The following MLLT10 variants were observed in gnomAD, a reference collection of about 807,000 sequenced individuals.
MLLT10 encodes MLLT10 histone lysine methyltransferase DOT1L cofactor, also known as protein AF-10.
In MLLT10, 30 loss-of-function variants were observed where a neutral mutation model predicts 129.1. The ratio of observed to expected loss-of-function variants is 0.23; its 90% CI spans 0.17 to 0.32. The LOEUF (loss-of-function observed/expected upper bound fraction) is 0.32, where lower values mean the gene tolerates loss of function less well. MLLT10 is among the 10% of genes least tolerant of loss of function. MLLT10 has a pLI of 1.00. For synonymous variants in MLLT10, 490 were observed against 446.4 expected, an observed-to-expected ratio of 1.10 and a Z score of -1.23; for missense variants, 1,119 against 1,268.3, an observed-to-expected ratio of 0.88 and a Z score of 1.79.
intron 9 of MLLT10, among the ~76,000 whole-genome samples, chr10:21,666,914 A>G (rs948986187): frequency 3.9e-5 from 6 of 152,214 alleles, no homozygotes; most frequent in Non-Finnish European, 8.8e-5. Flanking sequence ...ACTATTAGCA[A>G]TGAACATTTC....
chr10:21,724,541 A>G (rs1385020542), intron 14 of MLLT10, among the ~76,000 whole-genome samples: 1 of 152,258 alleles, frequency 6.6e-6, no homozygotes, highest in Non-Finnish European at 1.5e-5. Flanking sequence ...TTTTGTTCTG[A>G]AATAACTGCA....
rs1833751709 is a variant in MLLT10, at chr10:21,742,103, G to A, written c.*120G>A. 2.4e-6 allele frequency: 2 copies of A among 832,812 alleles called. No individual in the cohort carries two copies. Among genetic ancestry groups the A allele is most frequent in the Admixed American group, 4.9e-5 (2 of 40,706 alleles). 51.6% of individuals were successfully genotyped at this position (832,812 alleles called of 1,614,324 possible). The stretch of plus-strand genomic sequence containing the variant: ...AACAAGAAACTCAATGCACAACAAA[G>A]GATTAATTGCTGCAAGGACATTCTT... On this transcript the variant is annotated 3_prime_UTR_variant, in exon 23 of 23. Coordinates refer to ENST00000307729, the MANE Select transcript of MLLT10 (RefSeq NM_001195626.3).
intron 8 of MLLT10, among the ~76,000 whole-genome samples, chr10:21,633,823 A>C (rs904900693): frequency 1.3e-5 from 2 of 152,250 alleles, no homozygotes; most frequent in Non-Finnish European, 2.9e-5. Flanking sequence ...GAAATTTAAC[A>C]TTAATATAAT....
At chr10:21,640,580 G>T (rs907362003) in intron 8 of MLLT10, among the ~76,000 whole-genome samples, 2 of 152,014 alleles carry the variant, frequency 1.3e-5, no homozygotes, top group Non-Finnish European at 2.9e-5. Flanking sequence ...AAATCTGTTT[G>T]TGCTGTGTGT....
chr10:21,648,718 C>T (rs1192003447), intron 8 of MLLT10, among the ~76,000 whole-genome samples: 2 of 152,120 alleles, frequency 1.3e-5, no homozygotes, highest in East Asian at 1.9e-4. Flanking sequence ...TGAAGAAATA[C>T]ACGAGACTGG....
chr10:21,658,400 A>G (rs1408027568), intron 9 of MLLT10, among the ~76,000 whole-genome samples: 1 of 152,144 alleles, frequency 6.6e-6, no homozygotes, highest in Non-Finnish European at 1.5e-5. Context: ...TTTCAGCATA[A>G]TTATTTTAAG....
intron 13 of MLLT10, among the ~76,000 whole-genome samples, chr10:21,695,173 G>A (rs1404321723): frequency 1.3e-5 from 2 of 150,032 alleles, no homozygotes; most frequent in Admixed American, 6.7e-5. Context: ...GGGTTCAAGC[G>A]ATTCTCGTGC....
At chr10:21,720,452 T>G (rs892883259) in intron 14 of MLLT10, among the ~76,000 whole-genome samples, 14 of 152,242 alleles carry the variant, frequency 9.2e-5, no homozygotes, top group African/African-American at 3.4e-4. Flanking sequence ...AAGTTTGAAT[T>G]GATCTGGAGA....
At chr10:21,674,046 A>G in intron 11 of MLLT10, 127 bp downstream of exon 11, 1 of 738,276 alleles carries the variant, frequency 1.4e-6, no homozygotes, top group South Asian at 3.4e-5. Context: ...TTAAAGTGAA[A>G]TTTCTCAGTT....
Position 21,735,219 on chromosome 10 carries a change from C to A in MLLT10, c.2939C>A (p.Ser980Tyr). The A allele has an allele frequency of 6.2e-7, 1 of 1,612,572 alleles. No homozygotes were observed. The highest frequency in any genetic ancestry group is 8.5e-7 in the Non-Finnish European group (1 of 1,178,754). The stretch of plus-strand genomic sequence containing the variant: ...CAGCAGTTTCAGCAGTTGTTAAATT[C>A]TCAACAGCTCACACCAGTAAGTTCT... ...HQQQFQQLLN[S>Y]QQLTPEQHQA... The change falls in exon 21 of 23, where the codon TCT (serine) becomes TAT (tyrosine). Residue 980 changes from serine (S) to tyrosine (Y), a missense_variant. Ser to Tyr is a moderately radical substitution (Grantham distance 144). Coordinates refer to ENST00000307729, the MANE Select transcript of MLLT10 (RefSeq NM_001195626.3).
chr10:21,688,688 T>C (rs962430079), intron 13 of MLLT10: 13 of 569,124 alleles, frequency 2.3e-5, no homozygotes, highest in Non-Finnish European at 3.6e-5. Context: ...TAACCTTGGG[T>C]GGTAGGTGGG....
chr10:21,584,856 ATG>A, intron 3 of MLLT10, among the ~76,000 whole-genome samples: 1 of 151,316 alleles, frequency 6.6e-6, no homozygotes, highest in East Asian at 1.9e-4. Flanking sequence ...ATATATACGT[ATG>A]TGTGTATGTA....
chr10:21,535,467 T>G (rs994653290), intron 2 of MLLT10, among the ~76,000 whole-genome samples: 5 of 151,882 alleles, frequency 3.3e-5, no homozygotes, highest in Non-Finnish European at 2.9e-5. Context: ...CTGCAGCGCC[T>G]GTGGGGTGGC....
intron 3 of MLLT10, among the ~76,000 whole-genome samples, chr10:21,541,964 G>C (rs182164210): frequency 2.6e-5 from 4 of 152,120 alleles, no homozygotes; most frequent in Non-Finnish European, 4.4e-5. Context: ...TCTTTATAGC[G>C]TTACTCTTTG....
At chr10:21,624,954 G>A in intron 8 of MLLT10, 1 of 1,305,854 alleles carries the variant, frequency 7.7e-7, no homozygotes. Context: ...CCCCCTTGGT[G>A]GTGGTGAAGC....
intron 3 of MLLT10, among the ~76,000 whole-genome samples, chr10:21,544,754 A>T (rs1047691550): frequency 1.3e-5 from 2 of 152,230 alleles, no homozygotes; most frequent in African/African-American, 4.8e-5. Context: ...TGGTGATACC[A>T]TTAATAAATA....
At chr10:21,598,467 T>TTCTAAATAATATTTAGAAGCCAAA (rs754031941) in intron 5 of MLLT10, among the ~76,000 whole-genome samples, 17 of 152,202 alleles carry the variant, frequency 1.1e-4, no homozygotes, top group Non-Finnish European at 2.1e-4. Context: ...CCAAAGTGGG[T>TTCTAAATAATATTTAGAAGCCAAA]GCTAGGTGTG....
At chr10:21,731,916 T>C (rs2058001841) in intron 17 of MLLT10, among the ~76,000 whole-genome samples, 1 of 152,170 alleles carries the variant, frequency 6.6e-6, no homozygotes, top group South Asian at 2.1e-4. Flanking sequence ...GTGCCATAAA[T>C]TGGTATTTTA....
chr10:21,658,789 G>A (rs1033968531), intron 9 of MLLT10, among the ~76,000 whole-genome samples: 1 of 151,976 alleles, frequency 6.6e-6, no homozygotes. Flanking sequence ...TCAGCCTCCC[G>A]AGTAACTGGG....
Sources: allele counts gnomAD v4.1 joint callset (sites outside exome capture counted in the v4.1 genomes callset), GRCh38; gene constraint gnomAD v4.1.1; transcripts MANE v1.5; gene names NCBI Gene and HGNC (gene_info 2026-07-23, HGNC 2026-07-21).